GRID2: variants seen among roughly 807,000 people sequenced by gnomAD.
GRID2 encodes glutamate ionotropic receptor delta type subunit 2, also known as glutamate receptor ionotropic, delta-2.
A neutral mutation model predicts 114.8 loss-of-function variants in GRID2; 33 were observed. That is an observed-to-expected ratio of 0.29 (90% CI 0.22 to 0.38). The LOEUF is 0.38. GRID2 is among the 10% of genes least tolerant of loss of function. The probability of loss-of-function intolerance (pLI) is 1.00; values close to 1 mark genes in which losing one functional copy is unlikely to be tolerated. For missense variants in GRID2, 1,184 were observed against 1,257.7 expected, an observed-to-expected ratio of 0.94 and a Z score of 0.89; for synonymous variants, 505 against 449.9, an observed-to-expected ratio of 1.12 and a Z score of -1.55.
At chr4:93,612,680 C>A (rs780141485) in intron 13 of GRID2, among the ~76,000 whole-genome samples, 4 of 104,262 alleles carry the variant, frequency 3.8e-5, no homozygotes, top group African/African-American at 1.5e-4. Flanking sequence ...CCAAGAGATC[C>A]GCTGTTAGTC....
intron 8 of GRID2, among the ~76,000 whole-genome samples, chr4:93,347,165 C>T (rs908546580): frequency 6.6e-6 from 1 of 151,948 alleles, no homozygotes; most frequent in African/African-American, 2.4e-5. Context: ...ATCTAACTCT[C>T]ACACTACCAT....
At chr4:93,320,721 G>C (rs1437945162) in intron 8 of GRID2, among the ~76,000 whole-genome samples, 1 of 151,638 alleles carries the variant, frequency 6.6e-6, no homozygotes, top group Non-Finnish European at 1.5e-5. Context: ...TTTTTTTACA[G>C]CAAAAAAATG....
intron 2 of GRID2, among the ~76,000 whole-genome samples, chr4:93,064,784 T>C (rs948386659): frequency 2.0e-5 from 3 of 151,922 alleles, no homozygotes; most frequent in Admixed American, 1.3e-4. Flanking sequence ...GTGTCAGTCT[T>C]CTACGTATAT....
intron 2 of GRID2, among the ~76,000 whole-genome samples, chr4:92,657,594 C>T (rs979606586): frequency 3.3e-5 from 5 of 151,332 alleles, no homozygotes; most frequent in African/African-American, 1.2e-4. Flanking sequence ...AAGCGTGTGT[C>T]ATTTCGATGC....
intron 4 of GRID2, among the ~76,000 whole-genome samples, chr4:93,111,199 T>C (rs527610105): frequency 8.5e-5 from 13 of 152,272 alleles, no homozygotes; most frequent in Admixed American, 3.9e-4. Flanking sequence ...TTTTAAGAAG[T>C]CTTATAGAAG....
chr4:92,987,479 A>T (rs1754578870), intron 2 of GRID2, among the ~76,000 whole-genome samples: 1 of 152,110 alleles, frequency 6.6e-6, no homozygotes, highest in Admixed American at 6.6e-5. Context: ...CATTAGGGAG[A>T]TATACCTAAT....
chr4:92,639,941 AT>A (rs1731263462), intron 2 of GRID2, among the ~76,000 whole-genome samples: 1 of 151,804 alleles, frequency 6.6e-6, no homozygotes, highest in African/African-American at 2.4e-5. Flanking sequence ...TATGTGTATT[AT>A]GTAAAATTGA....
intron 1 of GRID2, among the ~76,000 whole-genome samples, chr4:92,429,406 G>A (rs1015792214): frequency 2.6e-5 from 4 of 152,044 alleles, no homozygotes; most frequent in African/African-American, 9.7e-5. Flanking sequence ...TTCCATCCAT[G>A]TCATTGCAAA....
chr4:92,481,932 A>G (rs1359163320), intron 1 of GRID2, among the ~76,000 whole-genome samples: 3 of 131,288 alleles, frequency 2.3e-5, no homozygotes, highest in East Asian at 2.2e-4. Context: ...TTGCAAAGAC[A>G]TGGAATCTAT....
intron 2 of GRID2, among the ~76,000 whole-genome samples, chr4:92,810,491 T>A (rs985775939): frequency 6.6e-6 from 1 of 152,072 alleles, no homozygotes; most frequent in Non-Finnish European, 1.5e-5. Context: ...ATACAATTTT[T>A]AAAAAAGAAT....
chr4:93,181,636 C>A (rs1324294851), intron 4 of GRID2, among the ~76,000 whole-genome samples: 1 of 152,184 alleles, frequency 6.6e-6, no homozygotes, highest in Admixed American at 6.5e-5. Flanking sequence ...GTAGCTTCTA[C>A]ATCAGCACTT....
chr4:93,376,332 A>G (rs1402716971), intron 8 of GRID2, among the ~76,000 whole-genome samples: 2 of 152,222 alleles, frequency 1.3e-5, no homozygotes, highest in Non-Finnish European at 2.9e-5. Flanking sequence ...ACAAATATTA[A>G]GCTGAATTAG....
intron 5 of GRID2, among the ~76,000 whole-genome samples, chr4:93,209,363 T>G (rs938040413): frequency 6.6e-6 from 1 of 152,140 alleles, no homozygotes; most frequent in African/African-American, 2.4e-5. Context: ...GGTTTTCTGT[T>G]TCTGCGTTAG....
At chr4:92,603,579 T>C (rs1250915046) in intron 2 of GRID2, among the ~76,000 whole-genome samples, 1 of 151,896 alleles carries the variant, frequency 6.6e-6, no homozygotes, top group African/African-American at 2.4e-5. Flanking sequence ...CCCAAAATGA[T>C]AAAAACCCTA....
chr4:93,291,208 T>C (rs936795671), intron 8 of GRID2, among the ~76,000 whole-genome samples: 7 of 152,080 alleles, frequency 4.6e-5, no homozygotes, highest in African/African-American at 1.7e-4. Context: ...TTTATATATA[T>C]GTAGCTACAA....
chr4:93,412,946 A>G (rs1207956242), intron 9 of GRID2, among the ~76,000 whole-genome samples: 1 of 152,216 alleles, frequency 6.6e-6, no homozygotes, highest in Non-Finnish European at 1.5e-5. Flanking sequence ...CTATGGCTGC[A>G]CAGTATTCCA....
At chr4:92,981,181 G>A (rs1052445092) in intron 2 of GRID2, among the ~76,000 whole-genome samples, 3 of 151,952 alleles carry the variant, frequency 2.0e-5, no homozygotes, top group African/African-American at 7.2e-5. Context: ...AATTTAGTAG[G>A]AAAGTTTGCT....
At chr4:93,544,237 T>C (rs1477878774) in intron 13 of GRID2, among the ~76,000 whole-genome samples, 1 of 152,148 alleles carries the variant, frequency 6.6e-6, no homozygotes, top group African/African-American at 2.4e-5. Context: ...ATAGATAATA[T>C]GGAACTCCTT....
chr4:93,169,068 T>A (rs573381291), intron 4 of GRID2, among the ~76,000 whole-genome samples: 22 of 151,436 alleles, frequency 1.5e-4, no homozygotes, highest in Non-Finnish European at 3.2e-4. Flanking sequence ...AAACAGTGAA[T>A]AAAAAGAACA....
Sources: allele counts gnomAD v4.1 joint callset (sites outside exome capture counted in the v4.1 genomes callset), GRCh38; gene constraint gnomAD v4.1.1; transcripts MANE v1.5; gene names NCBI Gene and HGNC (gene_info 2026-07-23, HGNC 2026-07-21).